Variants in PCNX2 observed in about 807,000 individuals in gnomAD.
PCNX2 encodes the protein pecanex 2.
PCNX2 carries 168 observed loss-of-function variants against 223.8 expected under a neutral mutation model. The ratio of observed to expected loss-of-function variants is 0.75; its 90% CI spans 0.66 to 0.85. The LOEUF (loss-of-function observed/expected upper bound fraction) is 0.85, where lower values mean the gene tolerates loss of function less well. Ranked by LOEUF, PCNX2 falls within the 40% of genes least tolerant of loss-of-function variation. PCNX2 has a pLI of 0.00. For synonymous variants in PCNX2, 1,006 were observed against 1,052.6 expected (o/e 0.96, Z 0.86); for missense variants, 2,507 against 2,675.5 (o/e 0.94, Z 1.39).
chr1:233,095,110 C>T (rs572223753), intron 22 of PCNX2, among the ~76,000 whole-genome samples: 2 of 152,240 alleles, frequency 1.3e-5, no homozygotes, highest in African/African-American at 2.4e-5. Context: ...CTTACCCACG[C>T]GTGCACATAT....
intron 23 of PCNX2, among the ~76,000 whole-genome samples, chr1:233,059,876 C>T (rs1232860895): frequency 6.6e-6 from 1 of 152,148 alleles, no homozygotes; most frequent in African/African-American, 2.4e-5. Context: ...CCTAAGAATG[C>T]AGCCTTCTTT....
chr1:233,068,279 A>G (rs1672705168), intron 23 of PCNX2, among the ~76,000 whole-genome samples: 1 of 152,174 alleles, frequency 6.6e-6, no homozygotes, highest in East Asian at 1.9e-4. Flanking sequence ...AGAAAAACTA[A>G]CAGAATGTAT....
At chr1:233,295,953 T>TTC (rs1558437162), upstream of PCNX2, among the ~76,000 whole-genome samples, 5 of 130,232 alleles carry the variant, frequency 3.8e-5, no homozygotes, top group Admixed American at 7.5e-5. The surrounding 1 kb of genome is among the most constrained non-coding windows in gnomAD (Gnocchi z 4.1). Flanking sequence ...TTCCTTCCTT[T>TTC]CTCTCTCTCT....
chr1:233,296,523 T>C (rs890000117), upstream of PCNX2, among the ~76,000 whole-genome samples: 2 of 152,230 alleles, frequency 1.3e-5, no homozygotes, highest in African/African-American at 4.8e-5. Flanking sequence ...TAAGCTATTA[T>C]ATATTTTATC....
intron 17 of PCNX2, among the ~76,000 whole-genome samples, chr1:233,163,509 A>C (rs1279033407): frequency 6.6e-6 from 1 of 151,884 alleles, no homozygotes; most frequent in Non-Finnish European, 1.5e-5. Flanking sequence ...TATACAACTT[A>C]ACAAGTTTAT....
rs950462063 is a variant in PCNX2 at position 233,031,745 on chromosome 1, C to T, written c.4352-6346G>A. On this transcript the variant is annotated intron_variant, in intron 25 of 33. Coordinates refer to ENST00000258229, the MANE Select transcript of PCNX2 (RefSeq NM_014801.4). ...AAATCTTCGGATTCCATTTGTCTTT[C>T]TGCCAGACCTCCTTGCTTTGGCTCT... The T allele has an allele frequency of 1.9e-4, 186 of 984,288 alleles. 1 individual carries two copies. Among genetic ancestry groups the T allele is most frequent in the Middle Eastern group, 1.0e-3 (2 of 1,930 alleles). The allele number at this position is 984,288 out of a possible 1,614,324, so 61.0% of individuals were successfully genotyped here.
intron 32 of PCNX2, among the ~76,000 whole-genome samples, chr1:232,994,231 C>T (rs1018178193): frequency 6.6e-6 from 1 of 152,214 alleles, no homozygotes; most frequent in Non-Finnish European, 1.5e-5. Flanking sequence ...AGGGACTGTA[C>T]CCATGCAGAG....
intron 15 of PCNX2, among the ~76,000 whole-genome samples, chr1:233,194,632 G>A (rs1998275): frequency 0.29 from 43,897 of 151,874 alleles, 7,292 homozygotes; most frequent in East Asian, 0.56. Context: ...GCTATTTTAT[G>A]TGAGCTCTTT....
At chr1:233,019,640 G>T (rs1670804658) in intron 26 of PCNX2, among the ~76,000 whole-genome samples, 1 of 152,144 alleles carries the variant, frequency 6.6e-6, no homozygotes, top group Non-Finnish European at 1.5e-5. Flanking sequence ...AGCAGGATGA[G>T]CGTGGGACTC....
chr1:232,999,645 G>A, intron 30 of PCNX2: 6 of 370,012 alleles, frequency 1.6e-5, no homozygotes, highest in South Asian at 1.5e-4. Flanking sequence ...GTAGAGACGG[G>A]GTTTCTCCGT....
At chr1:233,232,214 A>T (rs1459031312) in intron 9 of PCNX2, among the ~76,000 whole-genome samples, 1 of 152,236 alleles carries the variant, frequency 6.6e-6, no homozygotes, top group African/African-American at 2.4e-5. Flanking sequence ...CAATGGTTCA[A>T]CTTATGATTT....
At position 233,208,048 on chromosome 1, in the gene PCNX2, C is replaced by T. The variant is rs571429118; in HGVS notation, c.2863+470G>A. Among the ~76,000 whole-genome samples the T allele has an allele frequency of 7.2e-5, 11 of 152,146 alleles. No homozygotes were observed. The South Asian group carries it at 1.9e-3, about 26-fold the overall frequency. On this transcript the variant is annotated intron_variant, in intron 13 of 33. Transcript: ENST00000258229. ...TTGGCTCACCGCAACCTCTGCCTCCCGGGTTCAAGCAATTCTCCTCCCTCA... is the reference window on the plus strand; with the variant it reads ...TTGGCTCACCGCAACCTCTGCCTCCTGGGTTCAAGCAATTCTCCTCCCTCA...
chr1:233,152,956 T>C (rs889048351), intron 19 of PCNX2, among the ~76,000 whole-genome samples: 5 of 152,246 alleles, frequency 3.3e-5, no homozygotes, highest in African/African-American at 1.2e-4. Context: ...GCACACTTAA[T>C]ATGCGACAGA....
At chr1:233,295,982 C>A, upstream of PCNX2, among the ~76,000 whole-genome samples, 1 of 143,362 alleles carries the variant, frequency 7.0e-6, no homozygotes. The surrounding 1 kb of genome is among the most constrained non-coding windows in gnomAD (Gnocchi z 4.1). Context: ...CTTTCTCGCT[C>A]TTTTTTTCTT....
chr1:233,052,326 T>C (rs1385455461), intron 25 of PCNX2, among the ~76,000 whole-genome samples: 1 of 152,202 alleles, frequency 6.6e-6, no homozygotes, highest in African/African-American at 2.4e-5. Flanking sequence ...CAACTTGTTT[T>C]TGGCTAAAAG....
chr1:233,049,398 C>G (rs1383689238), intron 25 of PCNX2, among the ~76,000 whole-genome samples: 1 of 152,098 alleles, frequency 6.6e-6, no homozygotes, highest in Non-Finnish European at 1.5e-5. Context: ...ATGATCATAT[C>G]ACTAGACATG....
At chr1:233,225,975 T>G (rs1558365361) in intron 10 of PCNX2, among the ~76,000 whole-genome samples, 1 of 152,206 alleles carries the variant, frequency 6.6e-6, no homozygotes, top group Non-Finnish European at 1.5e-5. Flanking sequence ...TATAGTTTTT[T>G]TCATATGTGA....
intron 19 of PCNX2, among the ~76,000 whole-genome samples, chr1:233,152,760 A>G (rs1330824906): frequency 6.6e-6 from 1 of 152,194 alleles, no homozygotes; most frequent in African/African-American, 2.4e-5. Context: ...TCAGCCTCCC[A>G]AGGCACAAAG....
At chr1:233,152,565 C>T (rs1192241645) in intron 19 of PCNX2, among the ~76,000 whole-genome samples, 1 of 152,196 alleles carries the variant, frequency 6.6e-6, no homozygotes, top group East Asian at 1.9e-4. Context: ...ACACTAGATA[C>T]ATTTGAAAGC....
Sources: gnomAD v4.1 joint callset for allele counts (sites outside exome capture counted in the v4.1 genomes callset) on GRCh38, gnomAD v4.1.1 for gene constraint, Gnocchi (gnomAD v3.1) non-coding constraint, MANE v1.5 for transcripts, NCBI Gene and HGNC (gene_info 2026-07-23, HGNC 2026-07-21) for gene names.